SCAPER: variants seen among roughly 807,000 people sequenced by gnomAD.
SCAPER encodes S phase cyclin A-associated protein in the endoplasmic reticulum.
SCAPER carries 98 observed loss-of-function variants against 182.2 expected under a neutral mutation model. The observed-to-expected ratio is 0.54, with a 90% confidence interval of 0.46 to 0.64. The LOEUF is 0.64. Among genes scored for constraint, SCAPER ranks in the 30% least tolerant of loss-of-function variants. The probability of loss-of-function intolerance (pLI) is 0.00; values close to 1 mark genes in which losing one functional copy is unlikely to be tolerated. For synonymous variants in SCAPER, 605 were observed against 564.6 expected (o/e 1.07, Z -1.01); for missense variants, 1,432 against 1,690.0 (o/e 0.85, Z 2.68).
At chr15:76,483,779 C>A (rs1219566030) in intron 24 of SCAPER, among the ~76,000 whole-genome samples, 2 of 152,004 alleles carry the variant, frequency 1.3e-5, no homozygotes, top group African/African-American at 4.8e-5. Context: ...TGAAGGATTA[C>A]AAATTAAAAC....
chr15:76,615,188 T>C (rs1025606315), intron 22 of SCAPER, among the ~76,000 whole-genome samples: 2 of 152,112 alleles, frequency 1.3e-5, no homozygotes, highest in African/African-American at 2.4e-5. Context: ...TTAAAGAAGA[T>C]GTAATAGCAC....
chr15:76,681,683 G>C (rs1311318471), intron 20 of SCAPER, among the ~76,000 whole-genome samples: 1 of 152,174 alleles, frequency 6.6e-6, no homozygotes, highest in African/African-American at 2.4e-5. Flanking sequence ...GAGATGAGTT[G>C]AGGAGGCAAG....
intron 25 of SCAPER, among the ~76,000 whole-genome samples, chr15:76,436,755 A>C (rs2047224784): frequency 6.6e-6 from 1 of 152,204 alleles, no homozygotes; most frequent in South Asian, 2.1e-4. Context: ...TGAATATATC[A>C]GTGTATCACA....
intron 13 of SCAPER, 37 bp from the exon 14 acceptor site, chr15:76,765,109 G>A: frequency 1.4e-6 from 2 of 1,410,556 alleles, no homozygotes; most frequent in Non-Finnish European, 1.9e-6. Context: ...GACATGAAAT[G>A]TTTACATGAT....
intron 17 of SCAPER, among the ~76,000 whole-genome samples, chr15:76,717,340 T>C (rs2059942446): frequency 6.6e-6 from 1 of 152,096 alleles, no homozygotes; most frequent in South Asian, 2.1e-4. Flanking sequence ...ACACATAAAG[T>C]ATAAGACTCA....
chr15:76,519,326 C>G (rs904956033), intron 23 of SCAPER, among the ~76,000 whole-genome samples: 1 of 152,012 alleles, frequency 6.6e-6, no homozygotes, highest in African/African-American at 2.4e-5. Context: ...AAAACTATAC[C>G]TCTGAAAATA....
At chr15:76,350,159 T>G (rs2040437458) in intron 31 of SCAPER, 1 of 152,212 alleles carries the variant, frequency 6.6e-6, no homozygotes, top group Admixed American at 6.5e-5. Context: ...AGGGCAGAAC[T>G]GAACTTGCAG....
chr15:76,853,728 C>A (rs946375375), intron 4 of SCAPER, among the ~76,000 whole-genome samples: 1 of 152,190 alleles, frequency 6.6e-6, no homozygotes, highest in African/African-American at 2.4e-5. Context: ...AAGGGAACAG[C>A]TGGAAGCATC....
At chr15:76,479,108 T>A (rs2050891941) in intron 24 of SCAPER, among the ~76,000 whole-genome samples, 1 of 152,070 alleles carries the variant, frequency 6.6e-6, no homozygotes, top group African/African-American at 2.4e-5. Context: ...ATCTACATAA[T>A]CTTAGGCTCA....
intron 22 of SCAPER, among the ~76,000 whole-genome samples, chr15:76,611,461 A>G (rs553033080): frequency 6.6e-6 from 1 of 152,312 alleles, no homozygotes; most frequent in East Asian, 1.9e-4. Flanking sequence ...AAAAAAGCCC[A>G]GGACCAGAAG....
chr15:76,499,267 G>A (rs1353742114), intron 24 of SCAPER, among the ~76,000 whole-genome samples: 1 of 152,144 alleles, frequency 6.6e-6, no homozygotes, highest in Admixed American at 6.5e-5. Flanking sequence ...GATGATGGAG[G>A]GTAAGTTATT....
At chr15:76,453,024 G>C (rs1464448196) in intron 25 of SCAPER, among the ~76,000 whole-genome samples, 1 of 152,044 alleles carries the variant, frequency 6.6e-6, no homozygotes, top group Non-Finnish European at 1.5e-5. Context: ...TGTAGTGATG[G>C]GGTCTTGCTA....
intron 1 of SCAPER, among the ~76,000 whole-genome samples, chr15:76,900,013 G>A (rs1444041615): frequency 6.6e-6 from 1 of 152,184 alleles, no homozygotes; most frequent in Non-Finnish European, 1.5e-5. Flanking sequence ...CTTCTGCCTT[G>A]GGATGCTGTT....
intron 5 of SCAPER, among the ~76,000 whole-genome samples, chr15:76,830,615 C>T (rs971460157): frequency 6.6e-6 from 1 of 151,922 alleles, no homozygotes; most frequent in African/African-American, 2.4e-5. Context: ...AGGTCTCAAG[C>T]ACAAACACCT....
chr15:76,506,598 G>C (rs908851089), intron 23 of SCAPER, among the ~76,000 whole-genome samples: 1 of 152,066 alleles, frequency 6.6e-6, no homozygotes, highest in Non-Finnish European at 1.5e-5. Flanking sequence ...ACATGTAAAA[G>C]AAAGTGGGAA....
chr15:76,522,585 C>G (rs1400235532), intron 23 of SCAPER, among the ~76,000 whole-genome samples: 1 of 152,074 alleles, frequency 6.6e-6, no homozygotes, highest in Admixed American at 6.6e-5. Context: ...ATGCAAACTT[C>G]AGATTTTTAC....
At chr15:76,424,538 A>G (rs1038736551) in intron 26 of SCAPER, among the ~76,000 whole-genome samples, 6 of 152,090 alleles carry the variant, frequency 3.9e-5, no homozygotes, top group Non-Finnish European at 7.4e-5. Context: ...GGTCTACTGA[A>G]TACAGCACAT....
At chr15:76,471,359 T>G (rs2050151402) in intron 24 of SCAPER, 24 bp from the exon 25 acceptor site, 2 of 1,587,142 alleles carry the variant, frequency 1.3e-6, no homozygotes, top group Non-Finnish European at 8.6e-7. Flanking sequence ...AAAAACACCA[T>G]TTATAAAACC....
chr15:76,625,676 G>A (rs1344629904), intron 21 of SCAPER, among the ~76,000 whole-genome samples: 2 of 152,112 alleles, frequency 1.3e-5, no homozygotes, highest in Non-Finnish European at 2.9e-5. Context: ...GCCCAAGCAT[G>A]GACTCCCTCT....
Sources: gnomAD v4.1 joint callset for allele counts (sites outside exome capture counted in the v4.1 genomes callset) on GRCh38, gnomAD v4.1.1 for gene constraint, MANE v1.5 for transcripts, NCBI Gene and HGNC (gene_info 2026-07-23, HGNC 2026-07-21) for gene names.